MYO9B: variants seen among roughly 807,000 people sequenced by gnomAD.
MYO9B encodes unconventional myosin-IXb.
A neutral mutation model predicts 229.5 loss-of-function variants in MYO9B; 71 were observed. The observed-to-expected ratio is 0.31, with a 90% CI of 0.26 to 0.38. The LOEUF is 0.38. Among genes scored for constraint, MYO9B ranks in the 10% least tolerant of loss-of-function variants. The pLI is 1.00. For synonymous variants in MYO9B, 1,185 were observed against 1,235.8 expected (o/e 0.96, Z 0.86); for missense variants, 2,255 against 2,920.5 (o/e 0.77, Z 5.25).
At position 17,172,695 on chromosome 19, in the gene MYO9B, G is replaced by T. The variant is rs2072738069; in HGVS notation, c.1936-64G>T. ...GTCAGCCCTTCCTGCGCCAGCCCGG[G>T]GTCTTTGGTAGGCGCCGGTGAGTGA... On this transcript the variant is annotated intron_variant, in intron 12 of 39. Transcript: ENST00000682292. The surrounding 1 kb of genome is among the most constrained non-coding windows in gnomAD (Gnocchi z 8.2). The T allele has an allele frequency of 1.3e-6, 2 of 1,579,556 alleles. No homozygotes were observed. Among genetic ancestry groups the T allele is most frequent in the Non-Finnish European group, 1.7e-6 (2 of 1,150,950 alleles).
At position 17,205,345 on chromosome 19, in the gene MYO9B, A is replaced by C. The variant is rs2073148431; in HGVS notation, c.5064+9A>C. 6.2e-7 allele frequency: 1 copy of C among 1,612,908 alleles called. No homozygotes were observed. The highest frequency in any genetic ancestry group is 1.1e-5 in the South Asian group (1 of 91,048). ...ACACCTACGGGAGGAAGGTGAGTGT[A>C]CGAGGCCTGGAACTTTCTACAATGA... On this transcript the variant is annotated intron_variant, in intron 31 of 39. Coordinates refer to ENST00000682292, the MANE Select transcript of MYO9B (RefSeq NM_004145.4).
chr19:17,100,350 A>G (rs1355917144), intron 1 of MYO9B, among the ~76,000 whole-genome samples: 1 of 151,122 alleles, frequency 6.6e-6, no homozygotes, highest in Non-Finnish European at 1.5e-5. Context: ...GCGCATGCCT[A>G]TAGTCCCAGC....
rs73010325 is a variant in MYO9B, at chr19:17,155,426, C to G, written c.1199+1011C>G. Among the ~76,000 whole-genome samples the G allele has an allele frequency of 2.0e-3, 300 of 152,276 alleles. 2 individuals are homozygous for G. The highest frequency in any genetic ancestry group is 3.7e-3 in the Non-Finnish European group (253 of 68,020). On this transcript the variant is annotated intron_variant, in intron 6 of 39. Coordinates refer to ENST00000682292, the MANE Select transcript of MYO9B (RefSeq NM_004145.4). ...GAATTCTTGGGCTCAAGCCATCCAC[C>G]TGCGTAAGCCTCCCAGCATGCTGGA...
chr19:17,169,806 T>TCC (rs1296741582), intron 11 of MYO9B, among the ~76,000 whole-genome samples: 2 of 121,384 alleles, frequency 1.6e-5, no homozygotes, highest in African/African-American at 3.6e-5. Context: ...CTCCTCCTTT[T>TCC]TTTTTTTTTT....
chr19:17,137,253 G>A (rs2072282655), intron 2 of MYO9B, among the ~76,000 whole-genome samples: 1 of 151,172 alleles, frequency 6.6e-6, no homozygotes. Flanking sequence ...AGCCAGGTGC[G>A]GTGATACATA....
At chr19:17,116,198 C>T (rs759439160) in intron 2 of MYO9B, among the ~76,000 whole-genome samples, 13 of 152,220 alleles carry the variant, frequency 8.5e-5, no homozygotes, top group Non-Finnish European at 1.8e-4. Flanking sequence ...CGCGTGCATC[C>T]TGCCTGCAGG....
rs1409323659 is a variant in MYO9B at position 17,198,301 on chromosome 19, G to A, written c.4231G>A (p.Asp1411Asn). 5.0e-6 allele frequency: 8 copies of A among 1,613,638 alleles called. No individual in the cohort carries two copies. The highest frequency in any genetic ancestry group is 2.2e-5 in the South Asian group (2 of 91,076). ...AGGGCTGTCCCCGGGCTCTCAGGTCGACTCTAAGTAAGTATTGGGCTTGGG... is the reference window on the plus strand; with the variant it reads ...AGGGCTGTCCCCGGGCTCTCAGGTCAACTCTAAGTAAGTATTGGGCTTGGG... ...DAGLSPGSQV[D>N]SKSTFKRLFL... Residue 1411 changes from aspartate to asparagine, a missense_variant, in exon 24 of 40, where the codon GAC becomes AAC. By Grantham distance (23) the Asp-to-Asn change is conservative. Transcript: ENST00000682292.
intron 2 of MYO9B, among the ~76,000 whole-genome samples, chr19:17,122,126 C>A (rs1437667961): frequency 6.6e-6 from 1 of 152,216 alleles, no homozygotes; most frequent in Non-Finnish European, 1.5e-5. Context: ...CACTCAGACT[C>A]CCCTCTCAGC....
At chr19:17,205,451 C>G in intron 31 of MYO9B, 115 bp downstream of exon 31, 2 of 949,722 alleles carry the variant, frequency 2.1e-6, no homozygotes, top group African/African-American at 1.6e-5. Context: ...CAGTAGGGGG[C>G]GGCTGTGGCC....
chr19:17,206,193 G>A, intron 32 of MYO9B, 41 bp downstream of exon 32: 1 of 1,604,062 alleles, frequency 6.2e-7, no homozygotes, highest in South Asian at 1.1e-5. Flanking sequence ...CAGGCCCCAG[G>A]CACAGCCGTC....
chr19:17,116,347 G>A (rs372571044), intron 2 of MYO9B, among the ~76,000 whole-genome samples: 1 of 152,164 alleles, frequency 6.6e-6, no homozygotes, highest in East Asian at 1.9e-4. Flanking sequence ...CCTGACCAGA[G>A]GTGCATGCCC....
At position 17,152,727 on chromosome 19, in the gene MYO9B, G is replaced by A. The variant is rs369331459; in HGVS notation, c.998+21G>A. 3 of 1,592,254 alleles carry A rather than the reference G, an allele frequency of 1.9e-6. No homozygotes were observed. In the African/African-American group the frequency reaches 4.0e-5, roughly 21 times the overall value. ...GAGAGGTAGGAGAATGTTTTCCCAG[G>A]AATCTCTGAATGCCACGCCATGTCT... On this transcript the variant is annotated intron_variant, in intron 4 of 39. Coordinates refer to ENST00000682292, the MANE Select transcript of MYO9B (RefSeq NM_004145.4).
At chr19:17,077,487 A>T (rs2123410184) in intron 1 of MYO9B, among the ~76,000 whole-genome samples, 1 of 152,308 alleles carries the variant, frequency 6.6e-6, no homozygotes, top group East Asian at 1.9e-4. Flanking sequence ...ACTGGCCTAC[A>T]GAACAGGACC....
chr19:17,099,693 C>G (rs1192250274), intron 1 of MYO9B, among the ~76,000 whole-genome samples: 1 of 151,824 alleles, frequency 6.6e-6, no homozygotes, highest in Non-Finnish European at 1.5e-5. Flanking sequence ...TGGCGGGCGC[C>G]TGTTGTCTCA....
intron 14 of MYO9B, among the ~76,000 whole-genome samples, chr19:17,178,970 G>A (rs1463875429): frequency 6.7e-6 from 1 of 149,900 alleles, no homozygotes; most frequent in Non-Finnish European, 1.5e-5. Context: ...GGCGGGGTTT[G>A]CAGTGAGCCG....
In MYO9B at chr19:17,152,723, C is replaced by T. The variant is rs1427847024; in HGVS notation, c.998+17C>T. On this transcript the variant is annotated intron_variant, in intron 4 of 39. Transcript: ENST00000682292. ...GGATGAGAGGTAGGAGAATGTTTTC[C>T]CAGGAATCTCTGAATGCCACGCCAT... 3.1e-6 allele frequency: 5 copies of T among 1,603,606 alleles called. No homozygotes were observed. Among genetic ancestry groups the T allele is most frequent in the Non-Finnish European group, 4.3e-6 (5 of 1,172,470 alleles).
At chr19:17,174,875 A>G (rs2072766606) in intron 13 of MYO9B, among the ~76,000 whole-genome samples, 1 of 152,006 alleles carries the variant, frequency 6.6e-6, no homozygotes, top group African/African-American at 2.4e-5. Flanking sequence ...CAGAGGTTGC[A>G]GTGAGCCAAG....
At position 17,102,066 on chromosome 19, in the gene MYO9B, A is replaced by G. The variant is rs2057750156; in HGVS notation, c.349A>G (p.Thr117Ala). 2 of 1,612,550 alleles carry G rather than the reference A, an allele frequency of 1.2e-6. No homozygotes were observed. Among genetic ancestry groups the G allele is most frequent in the Non-Finnish European group, 1.7e-6 (2 of 1,179,884 alleles). ...FLLQERNADG[T>A]IKYVHMQLVA... ...GCTGCAGGAGCGCAACGCAGATGGAACCATCAAGTACGTGCATATGCAGCT... is the reference window on the plus strand; with the variant it reads ...GCTGCAGGAGCGCAACGCAGATGGAGCCATCAAGTACGTGCATATGCAGCT... Residue 117 changes from threonine to alanine, a missense_variant, in exon 2 of 40, where the codon ACC (threonine) becomes GCC (alanine). Transcript: ENST00000682292.
intron 2 of MYO9B, among the ~76,000 whole-genome samples, chr19:17,105,210 G>A (rs182832094): frequency 1.1e-3 from 165 of 151,512 alleles, no homozygotes; most frequent in African/African-American, 3.8e-3. Flanking sequence ...TGTCAGTTGG[G>A]CACGGTGGCT....
Sources: gnomAD v4.1 joint callset for allele counts (sites outside exome capture counted in the v4.1 genomes callset) on GRCh38, gnomAD v4.1.1 for gene constraint, Gnocchi (gnomAD v3.1) non-coding constraint, MANE v1.5 for transcripts, NCBI Gene and HGNC (gene_info 2026-07-23, HGNC 2026-07-21) for gene names.